The following NALCN variants were observed in gnomAD, a reference collection of about 807,000 sequenced individuals.
NALCN encodes sodium leak channel, non-selective.
A neutral mutation model predicts 225.3 loss-of-function variants in NALCN; 111 were observed. That is an observed-to-expected ratio of 0.49 (90% CI 0.42 to 0.58). The LOEUF (loss-of-function observed/expected upper bound fraction) is 0.58. NALCN is among the 20% of genes least tolerant of loss of function. NALCN has a pLI of 0.00. For missense variants in NALCN, 1,378 were observed against 2,202.4 expected, an observed-to-expected ratio of 0.63 and a Z score of 7.49; for synonymous variants, 764 against 769.0, an observed-to-expected ratio of 0.99 and a Z score of 0.11.
chr13:101,306,068 G>GTCTGCTCATCTGCCATCCTGT (rs2139120753), intron 7 of NALCN, among the ~76,000 whole-genome samples: 1 of 152,310 alleles, frequency 6.6e-6, no homozygotes, highest in East Asian at 1.9e-4. Flanking sequence ...AAGCCGGCCA[G>GTCTGCTCATCTGCCATCCTGT]TCTGCTCATC....
At chr13:101,065,306 G>T in intron 40 of NALCN, 98 bp downstream of exon 40, 2 of 1,313,708 alleles carry the variant, frequency 1.5e-6, no homozygotes, top group South Asian at 1.4e-5. Flanking sequence ...TGGCATTTTG[G>T]GTTGGAAACA....
At chr13:101,078,905 A>T (rs1479643281) in intron 34 of NALCN, among the ~76,000 whole-genome samples, 2 of 152,194 alleles carry the variant, frequency 1.3e-5, no homozygotes, top group Non-Finnish European at 2.9e-5. Context: ...CCAGGTGGAG[A>T]TAATTGAATT....
intron 6 of NALCN, among the ~76,000 whole-genome samples, chr13:101,360,598 G>A (rs544038968): frequency 1.2e-4 from 18 of 152,254 alleles, no homozygotes; most frequent in Admixed American, 2.0e-4. Context: ...ATGTGAACAC[G>A]AAAAGTAAAG....
At chr13:101,330,977 T>A (rs549556722) in intron 7 of NALCN, among the ~76,000 whole-genome samples, 72 of 152,340 alleles carry the variant, frequency 4.7e-4, no homozygotes, top group African/African-American at 1.4e-3. Flanking sequence ...AATCTTTTTC[T>A]TTATAAATTA....
intron 27 of NALCN, among the ~76,000 whole-genome samples, chr13:101,099,626 T>C (rs2034698349): frequency 6.6e-6 from 1 of 152,210 alleles, no homozygotes; most frequent in Non-Finnish European, 1.5e-5. Context: ...TGGGACACTT[T>C]ATGATATTAC....
At chr13:101,404,329 A>C (rs1272447036) in intron 1 of NALCN, among the ~76,000 whole-genome samples, 1 of 152,238 alleles carries the variant, frequency 6.6e-6, no homozygotes, top group African/African-American at 2.4e-5. Context: ...CTTTGCCTAG[A>C]TCTCAAATAC....
At chr13:101,057,071 G>C (rs963891867) in intron 43 of NALCN, 5 of 152,252 alleles carry the variant, frequency 3.3e-5, no homozygotes, top group African/African-American at 1.2e-4. Context: ...AATGTAAGCT[G>C]TGCTGTCATC....
intron 6 of NALCN, among the ~76,000 whole-genome samples, chr13:101,357,712 G>C (rs2046104384): frequency 6.6e-6 from 1 of 152,050 alleles, no homozygotes; most frequent in African/African-American, 2.4e-5. Context: ...AACCAAAAAA[G>C]AGCCTGTATA....
chr13:101,211,981 A>G (rs1290976820), intron 13 of NALCN, among the ~76,000 whole-genome samples: 1 of 151,910 alleles, frequency 6.6e-6, no homozygotes, highest in African/African-American at 2.4e-5. Flanking sequence ...GCTATTCTCC[A>G]AGAAAAAAAA....
chr13:101,144,529 C>T (rs1479875121), intron 16 of NALCN, among the ~76,000 whole-genome samples: 1 of 152,180 alleles, frequency 6.6e-6, no homozygotes, highest in Non-Finnish European at 1.5e-5. Context: ...AGCCTTCTTG[C>T]TTAGGCTACT....
chr13:101,087,324 G>A (rs2033981466), intron 30 of NALCN, among the ~76,000 whole-genome samples: 1 of 152,020 alleles, frequency 6.6e-6, no homozygotes, highest in Non-Finnish European at 1.5e-5. Context: ...TGCTCCATGA[G>A]GGCAAATAAC....
chr13:101,331,357 A>C (rs1214121287), intron 7 of NALCN, among the ~76,000 whole-genome samples: 2 of 152,202 alleles, frequency 1.3e-5, no homozygotes, highest in African/African-American at 4.8e-5. Flanking sequence ...GGTTTGAAAC[A>C]GAATTAGATA....
chr13:101,245,835 A>G (rs1312099925), intron 11 of NALCN, among the ~76,000 whole-genome samples: 2 of 152,196 alleles, frequency 1.3e-5, no homozygotes, highest in Admixed American at 6.5e-5. Context: ...TGGATAATTG[A>G]AAGTACCTCT....
intron 7 of NALCN, among the ~76,000 whole-genome samples, chr13:101,310,183 A>C (rs2044290187): frequency 6.6e-6 from 1 of 152,088 alleles, no homozygotes; most frequent in African/African-American, 2.4e-5. Context: ...CAGCAAGCAG[A>C]GTTGTCCTGA....
chr13:101,104,795 T>C lies in NALCN; in HGVS notation c.2636+99A>G. The C allele has an allele frequency of 2.6e-6, 4 of 1,554,994 alleles. No individual in the cohort carries two copies. In the South Asian group the frequency reaches 4.5e-5, roughly 18 times the overall value. On this transcript the variant is annotated intron_variant, in intron 23 of 43. Coordinates refer to ENST00000251127, the MANE Select transcript of NALCN (RefSeq NM_052867.4). The surrounding 1 kb of genome is among the most constrained non-coding windows in gnomAD (Gnocchi z 4.2). ...CAATCATCTATTTCATAGCACTATA[T>C]AGCAAGAAAATAAAAGAGAATTTTA... is the stretch of plus-strand genomic sequence containing the variant.
chr13:101,117,804 T>C (rs906423909), intron 18 of NALCN, among the ~76,000 whole-genome samples: 3 of 152,186 alleles, frequency 2.0e-5, no homozygotes, highest in Non-Finnish European at 4.4e-5. Context: ...TTTTGGCAAT[T>C]AGGAATAAAG....
intron 6 of NALCN, among the ~76,000 whole-genome samples, chr13:101,363,000 A>C (rs1029799961): frequency 6.6e-6 from 1 of 152,146 alleles, no homozygotes; most frequent in African/African-American, 2.4e-5. Flanking sequence ...ATTTATTAAA[A>C]AATTAAAAAT....
chr13:101,351,482 T>C (rs1426874491), intron 6 of NALCN, among the ~76,000 whole-genome samples: 2 of 152,174 alleles, frequency 1.3e-5, no homozygotes, highest in African/African-American at 4.8e-5. Flanking sequence ...CTAAAATTGT[T>C]GATAATGGCC....
At chr13:101,252,508 G>A (rs1324157642) in intron 11 of NALCN, among the ~76,000 whole-genome samples, 1 of 152,176 alleles carries the variant, frequency 6.6e-6, no homozygotes, top group Admixed American at 6.5e-5. Flanking sequence ...TGGAATTGCT[G>A]TGCATGAGTA....
Sources: gnomAD v4.1 joint callset for allele counts (sites outside exome capture counted in the v4.1 genomes callset) on GRCh38, gnomAD v4.1.1 for gene constraint, Gnocchi (gnomAD v3.1) non-coding constraint, MANE v1.5 for transcripts, NCBI Gene and HGNC (gene_info 2026-07-23, HGNC 2026-07-21) for gene names.